ARHGAP29: variants seen among roughly 807,000 people sequenced by gnomAD.
ARHGAP29 encodes Rho GTPase activating protein 29.
A neutral mutation model predicts 122.6 loss-of-function variants in ARHGAP29; 43 were observed. The observed-to-expected ratio is 0.35, with a 90% CI of 0.27 to 0.45. ARHGAP29 has a LOEUF of 0.45. Ranked by LOEUF, ARHGAP29 falls within the 20% of genes least tolerant of loss-of-function variation. ARHGAP29 has a pLI of 1.00. For missense variants in ARHGAP29, 1,303 were observed against 1,477.2 expected, an observed-to-expected ratio of 0.88 and a Z score of 1.93; for synonymous variants, 506 against 497.1, an observed-to-expected ratio of 1.02 and a Z score of -0.24.
intron 12 of ARHGAP29, chr1:94,192,698 C>T (rs1395889682): frequency 1.3e-5 from 2 of 152,116 alleles, no homozygotes; most frequent in Admixed American, 6.6e-5. Context: ...ATCCTCCCCA[C>T]ACTTGGCCCT....
chr1:94,237,799 T>C, upstream of ARHGAP29: 1 of 983,260 alleles, frequency 1.0e-6, no homozygotes, highest in Non-Finnish European at 1.2e-6. Context: ...GCTGCCCTTT[T>C]GGCTTGCAGG....
chr1:94,229,891 T>C (rs186050558), intron 2 of ARHGAP29, among the ~76,000 whole-genome samples: 14 of 151,768 alleles, frequency 9.2e-5, no homozygotes, highest in African/African-American at 3.4e-4. Flanking sequence ...ACAAGGATAA[T>C]TATGTAAAAT....
chr1:94,231,679 G>A, intron 1 of ARHGAP29, 36 bp from the exon 2 acceptor site: 1 of 1,490,134 alleles, frequency 6.7e-7, no homozygotes, highest in Non-Finnish European at 9.1e-7. Context: ...AAACAAGCGA[G>A]GAGAGAGAAA....
At chr1:94,221,929 A>G (rs543761697) in intron 2 of ARHGAP29, among the ~76,000 whole-genome samples, 1 of 151,418 alleles carries the variant, frequency 6.6e-6, no homozygotes, top group Non-Finnish European at 1.5e-5. Flanking sequence ...AATCTTCAAG[A>G]TAAGTAACAA....
At chr1:94,312,241 C>A in the ARHGAP29 span, among the ~76,000 whole-genome samples, 1 of 152,056 alleles carries the variant, frequency 6.6e-6, no homozygotes, top group Non-Finnish European at 1.5e-5. Flanking sequence ...TCAGGATAAT[C>A]AATGAACTCC....
intron 3 of ARHGAP29, among the ~76,000 whole-genome samples, chr1:94,215,265 T>A (rs1188387717): frequency 6.6e-6 from 1 of 151,734 alleles, no homozygotes; most frequent in Non-Finnish European, 1.5e-5. Flanking sequence ...ACTAAATATG[T>A]ATATTTTCCT....
At chr1:94,237,622 C>A (rs971077514), upstream of ARHGAP29, 4 of 987,176 alleles carry the variant, frequency 4.1e-6, no homozygotes, top group Non-Finnish European at 3.6e-6. Context: ...GCCACGGCCG[C>A]ACCGCCCGCC....
In ARHGAP29 at chr1:94,202,517, G is replaced by A. The variant is rs754737488; in HGVS notation, c.1143+27C>T. On this transcript the variant is annotated intron_variant, in intron 11 of 22. Coordinates refer to ENST00000260526, the MANE Select transcript of ARHGAP29 (RefSeq NM_004815.4). The stretch of plus-strand genomic sequence containing the variant: ...TGGCAGATTACCGCTAATTCAACTT[G>A]CAAATAAAAAAGAAAAAGATCGTTA... 9.9e-6 allele frequency: 16 copies of A among 1,610,386 alleles called. No homozygotes were observed. The Admixed American group carries it at 2.2e-4, about 22-fold the overall frequency.
At chr1:94,217,371 TA>T (rs1652011138) in intron 3 of ARHGAP29, among the ~76,000 whole-genome samples, 1 of 151,882 alleles carries the variant, frequency 6.6e-6, no homozygotes, top group Admixed American at 6.6e-5. Flanking sequence ...TCATCTCTAC[TA>T]AAAATACAAA....
chr1:94,299,466 G>A, the ARHGAP29 span, among the ~76,000 whole-genome samples: 1 of 152,180 alleles, frequency 6.6e-6, no homozygotes, highest in African/African-American at 2.4e-5. Flanking sequence ...ACTTTTCTCT[G>A]CAAAGTGTTT....
intron 14 of ARHGAP29, 123 bp downstream of exon 14, chr1:94,189,093 G>A: frequency 7.2e-7 from 1 of 1,380,840 alleles, no homozygotes; most frequent in South Asian, 1.4e-5. Context: ...CTGTGAATAA[G>A]ATCTCATAAA....
intron 1 of ARHGAP29, among the ~76,000 whole-genome samples, chr1:94,235,031 C>CA (rs1422131195): frequency 6.6e-6 from 1 of 151,938 alleles, no homozygotes; most frequent in Non-Finnish European, 1.5e-5. Context: ...AAAAAATCTG[C>CA]AAAAAACAAA....
At chr1:94,292,499 G>A in the ARHGAP29 span, among the ~76,000 whole-genome samples, 3 of 152,158 alleles carry the variant, frequency 2.0e-5, no homozygotes, top group Admixed American at 1.3e-4. Flanking sequence ...TTCCCTTGCT[G>A]GCAAGGAGTT....
rs1650952998 is a variant in ARHGAP29, at chr1:94,202,977, C to G, written c.895G>C (p.Glu299Gln). 1 of 1,608,680 alleles carries G rather than the reference C, an allele frequency of 6.2e-7. No individual in the cohort carries two copies. Reference sequence around the variant, plus strand: ...ATTTCTTTCCTTTGTTTTTCCATTTCATTTTTCCTTCCAAGTAGAGGCTGT... The same window carrying G: ...ATTTCTTTCCTTTGTTTTTCCATTTGATTTTTCCTTCCAAGTAGAGGCTGT... ...FVQPLLGRKN[E>Q]MEKQRKEIKE... Residue 299 changes from glutamate (E) to glutamine (Q), a missense_variant, in exon 10 of 23, where the codon GAA (glutamate) becomes CAA (glutamine). Glu to Gln is a conservative substitution (Grantham distance 29). This residue lies in a region of ARHGAP29 where 592 missense variants were observed against 648.2 expected (regional missense o/e 0.91). Coordinates refer to ENST00000260526, the MANE Select transcript of ARHGAP29 (RefSeq NM_004815.4).
At chr1:94,185,803 T>A (rs1649764636) in intron 16 of ARHGAP29, among the ~76,000 whole-genome samples, 1 of 152,174 alleles carries the variant, frequency 6.6e-6, no homozygotes, top group South Asian at 2.1e-4. Flanking sequence ...CTGGGAAGTG[T>A]GTTCATAGGT....
At chr1:94,289,731 C>T in the ARHGAP29 span, among the ~76,000 whole-genome samples, 3 of 152,180 alleles carry the variant, frequency 2.0e-5, no homozygotes, top group African/African-American at 4.8e-5. Context: ...AAGGCCGTTT[C>T]TGCATCTATT....
intron 22 of ARHGAP29, among the ~76,000 whole-genome samples, chr1:94,175,559 C>A (rs996229729): frequency 6.6e-6 from 1 of 152,202 alleles, no homozygotes; most frequent in African/African-American, 2.4e-5. Flanking sequence ...CTCTGCCACC[C>A]AGTCCTTCAC....
rs1162391930 is a variant in ARHGAP29 at position 94,186,524 on chromosome 1, T to C, written c.1755A>G (p.Arg585=). The C allele has an allele frequency of 1.2e-6, 2 of 1,613,592 alleles. No individual in the cohort carries two copies. The highest frequency in any genetic ancestry group is 1.7e-6 in the Non-Finnish European group (2 of 1,179,758). Residue 585 remains arginine (R), a synonymous_variant, in exon 16 of 23, where the codon AGA becomes AGG. Transcript: ENST00000260526. ...TMSSADDLDE[R]EPPSPSETGP... ...CAGTTTCTGAAGGGGAAGGTGGCTC[T>C]CTTTCATCTAGATCATCTGCAGAGG...
chr1:94,182,425 A>G (rs545211840), intron 19 of ARHGAP29, among the ~76,000 whole-genome samples: 7 of 152,162 alleles, frequency 4.6e-5, no homozygotes, highest in Non-Finnish European at 1.0e-4. Context: ...TCCAAAAACT[A>G]AAGGACTAAC....
Sources: allele counts gnomAD v4.1 joint callset (sites outside exome capture counted in the v4.1 genomes callset), GRCh38; gene constraint gnomAD v4.1.1; regional missense constraint gnomAD v4.1.1; transcripts MANE v1.5; gene names NCBI Gene and HGNC (gene_info 2026-07-23, HGNC 2026-07-21).